SORCS3: variants seen among roughly 807,000 people sequenced by gnomAD.
SORCS3 encodes VPS10 domain-containing receptor SorCS3.
A neutral mutation model predicts 146.3 loss-of-function variants in SORCS3; 57 were observed. The observed-to-expected ratio is 0.39, with a 90% CI of 0.31 to 0.49. SORCS3 has a LOEUF of 0.49. Ranked by LOEUF, SORCS3 falls within the 20% of genes least tolerant of loss-of-function variation. The pLI, the probability that SORCS3 is intolerant of heterozygous loss-of-function variation, is 0.92. For synonymous variants in SORCS3, 653 were observed against 618.5 expected (o/e 1.06, Z -0.83); for missense variants, 1,341 against 1,575.5 (o/e 0.85, Z 2.52).
At chr10:104,799,214 A>G (rs1025075382) in intron 1 of SORCS3, among the ~76,000 whole-genome samples, 5 of 152,362 alleles carry the variant, frequency 3.3e-5, no homozygotes, top group Non-Finnish European at 5.9e-5. Context: ...AAAGGATTAT[A>G]AATCATTCTA....
intron 3 of SORCS3, among the ~76,000 whole-genome samples, chr10:104,973,600 G>A (rs2133645308): frequency 6.7e-6 from 1 of 149,402 alleles, no homozygotes; most frequent in Admixed American, 6.6e-5. Context: ...TTCTTTATTA[G>A]TCTTGCTAGC....
chr10:104,757,026 T>C (rs2017060860), intron 1 of SORCS3, among the ~76,000 whole-genome samples: 4 of 149,640 alleles, frequency 2.7e-5, no homozygotes, highest in Non-Finnish European at 5.9e-5. Context: ...GACTTCTAAC[T>C]CACTCCAGCA....
At chr10:104,972,113 C>G (rs984413212) in intron 3 of SORCS3, among the ~76,000 whole-genome samples, 2 of 152,064 alleles carry the variant, frequency 1.3e-5, no homozygotes, top group Non-Finnish European at 2.9e-5. Context: ...TGGAGGCAGG[C>G]AGATCACTTG....
At chr10:105,031,330 CAA>C (rs747909662) in intron 4 of SORCS3, among the ~76,000 whole-genome samples, 1,511 of 77,072 alleles carry the variant, frequency 0.02, 17 homozygotes, top group African/African-American at 0.095. Context: ...CACACACACA[CAA>C]ACACACACAC....
chr10:104,671,740 G>GT (rs1201095566), intron 1 of SORCS3, among the ~76,000 whole-genome samples: 2 of 151,886 alleles, frequency 1.3e-5, no homozygotes, highest in East Asian at 1.9e-4. Context: ...GTGATCGTGT[G>GT]TTTTTTTCCG....
chr10:104,989,872 A>G (rs1186906185), intron 4 of SORCS3, among the ~76,000 whole-genome samples: 1 of 152,202 alleles, frequency 6.6e-6, no homozygotes, highest in Non-Finnish European at 1.5e-5. Context: ...TCTCTGTGTA[A>G]TGCAGGTGTC....
At chr10:104,925,688 A>T (rs1208447462) in intron 3 of SORCS3, among the ~76,000 whole-genome samples, 3 of 152,192 alleles carry the variant, frequency 2.0e-5, no homozygotes, top group Non-Finnish European at 2.9e-5. Context: ...GCAGACAATG[A>T]GCAGGTGAAG....
intron 5 of SORCS3, among the ~76,000 whole-genome samples, chr10:105,051,295 G>A (rs763506738): frequency 5.9e-5 from 9 of 152,062 alleles, no homozygotes; most frequent in African/African-American, 1.2e-4. Flanking sequence ...CAGCCTAATA[G>A]CAGCTGTGGG....
chr10:104,939,926 C>T (rs572443709), intron 3 of SORCS3, among the ~76,000 whole-genome samples: 19 of 151,764 alleles, frequency 1.3e-4, no homozygotes, highest in African/African-American at 2.4e-4. Flanking sequence ...CCTTTGTTAC[C>T]GGAAAGGGGT....
intron 1 of SORCS3, among the ~76,000 whole-genome samples, chr10:104,683,896 A>G (rs965763677): frequency 6.6e-6 from 1 of 152,112 alleles, no homozygotes; most frequent in African/African-American, 2.4e-5. Flanking sequence ...AGATAGTAAG[A>G]CCAAGGCCCT....
chr10:105,076,567 G>A (rs752091753), intron 5 of SORCS3, among the ~76,000 whole-genome samples: 7 of 152,128 alleles, frequency 4.6e-5, no homozygotes, highest in Non-Finnish European at 1.0e-4. Context: ...GGCAGCCCTC[G>A]GGAAGTACTT....
At chr10:105,243,909 C>T (rs2056851160) in intron 20 of SORCS3, among the ~76,000 whole-genome samples, 1 of 152,210 alleles carries the variant, frequency 6.6e-6, no homozygotes, top group Non-Finnish European at 1.5e-5. Context: ...CTGGGAGCCT[C>T]TGCAGGGTTT....
At chr10:104,774,452 C>CCTTTGG (rs2017286347) in intron 1 of SORCS3, among the ~76,000 whole-genome samples, 1 of 152,114 alleles carries the variant, frequency 6.6e-6, no homozygotes, top group Admixed American at 6.5e-5. Context: ...CAGTGTTGTC[C>CCTTTGG]CTTGCATGGT....
intron 1 of SORCS3, among the ~76,000 whole-genome samples, chr10:104,712,174 C>T (rs12243463): frequency 0.26 from 38,777 of 151,880 alleles, 5,619 homozygotes; most frequent in East Asian, 0.63. Flanking sequence ...TCCTTGAATC[C>T]GGTTAACAAC....
chr10:104,652,527 G>A (rs1447086492), intron 1 of SORCS3, among the ~76,000 whole-genome samples: 1 of 152,122 alleles, frequency 6.6e-6, no homozygotes, highest in Non-Finnish European at 1.5e-5. Flanking sequence ...ATTCCTTAAG[G>A]AGCTAGAGAC....
At chr10:104,669,265 C>T (rs1176248798) in intron 1 of SORCS3, among the ~76,000 whole-genome samples, 1 of 152,190 alleles carries the variant, frequency 6.6e-6, no homozygotes, top group Non-Finnish European at 1.5e-5. Context: ...AGTTTACCAT[C>T]TTAACCATTT....
At chr10:105,218,922 G>A (rs959815152) in intron 19 of SORCS3, among the ~76,000 whole-genome samples, 7 of 152,142 alleles carry the variant, frequency 4.6e-5, no homozygotes, top group Non-Finnish European at 8.8e-5. Context: ...GGCTGAGGCA[G>A]GAGAATCGCT....
intron 2 of SORCS3, among the ~76,000 whole-genome samples, chr10:104,873,039 G>A (rs993497857): frequency 6.6e-6 from 1 of 152,198 alleles, no homozygotes; most frequent in Non-Finnish European, 1.5e-5. Context: ...CACAGTAAAT[G>A]TGTCAAGAAA....
chr10:105,083,890 C>T (rs964073882), intron 5 of SORCS3, among the ~76,000 whole-genome samples: 12 of 152,148 alleles, frequency 7.9e-5, no homozygotes, highest in Admixed American at 5.9e-4. Context: ...GTTTATGATT[C>T]TTACTCTAGG....
Sources: gnomAD v4.1 joint callset for allele counts (sites outside exome capture counted in the v4.1 genomes callset) on GRCh38, gnomAD v4.1.1 for gene constraint, MANE v1.5 for transcripts, NCBI Gene and HGNC (gene_info 2026-07-23, HGNC 2026-07-21) for gene names.